Variants in CHD1L observed in about 807,000 individuals in gnomAD.
CHD1L encodes the protein chromodomain helicase DNA binding protein 1 like, also known as ATP-dependent chromatin remodeler CHD1L.
A neutral mutation model predicts 115.9 loss-of-function variants in CHD1L; 118 were observed. The observed-to-expected ratio is 1.02, with a 90% CI of 0.88 to 1.19. CHD1L has a LOEUF of 1.19. CHD1L is among the 50% of genes most tolerant of loss of function. The pLI, the probability that CHD1L is intolerant of heterozygous loss-of-function variation, is 0.00. For missense variants in CHD1L, 1,179 were observed against 1,065.3 expected (o/e 1.11, Z -1.49); for synonymous variants, 411 against 387.1 (o/e 1.06, Z -0.72).
intron 12 of CHD1L, 195 bp downstream of exon 12, chr1:147,272,476 G>A (rs970517595): frequency 6.2e-5 from 29 of 467,094 alleles, no homozygotes; most frequent in Non-Finnish European, 9.1e-5. Context: ...CAGCAAAGAA[G>A]TAAGGCTGAA....
At chr1:147,198,360 C>G in the CHD1L span, among the ~76,000 whole-genome samples, 2 of 152,170 alleles carry the variant, frequency 1.3e-5, no homozygotes, top group South Asian at 2.1e-4. Context: ...GGAGCTATCA[C>G]TATATTACAA....
At chr1:147,261,723 T>C (rs1672000976) in intron 6 of CHD1L, among the ~76,000 whole-genome samples, 1 of 151,292 alleles carries the variant, frequency 6.6e-6, no homozygotes, top group South Asian at 2.1e-4. Context: ...ATAAGGAAAC[T>C]AAGGCTCAGG....
chr1:147,252,774 C>A, intron 2 of CHD1L, 39 bp downstream of exon 2: 1 of 1,448,060 alleles, frequency 6.9e-7, no homozygotes, highest in Non-Finnish European at 9.7e-7. Flanking sequence ...ACCGCCACTG[C>A]GATACTTCCT....
the CHD1L span, among the ~76,000 whole-genome samples, chr1:147,182,888 C>A: frequency 6.6e-6 from 1 of 152,196 alleles, no homozygotes; most frequent in East Asian, 1.9e-4. Flanking sequence ...GTGTTTTAAA[C>A]CACAACTAAA....
chr1:147,288,079 C>T (rs1683959695), intron 19 of CHD1L, among the ~76,000 whole-genome samples: 1 of 151,976 alleles, frequency 6.6e-6, no homozygotes, highest in Non-Finnish European at 1.5e-5. Context: ...TAATCCCAGA[C>T]TTTGGGAGGC....
At position 147,285,323 on chromosome 1, in the gene CHD1L, G is replaced by A. The variant is rs908696431; in HGVS notation, c.1855-1G>A. 1.0e-5 allele frequency: 16 copies of A among 1,606,578 alleles called. No individual in the cohort carries two copies. The highest frequency in any genetic ancestry group is 1.4e-5 in the Non-Finnish European group (16 of 1,177,912). On this transcript the variant is annotated splice_acceptor_variant, in intron 16 of 22. Transcript: ENST00000369258. LOFTEE classifies it high-confidence loss of function. ...GGTGATGGATCTTGTTCTTCCTCTA[G>A]GTTCTCATCCCAGGCCTTGTGGAGG...
chr1:147,239,630 G>A (rs1559699108), upstream of CHD1L, among the ~76,000 whole-genome samples: 2 of 152,052 alleles, frequency 1.3e-5, no homozygotes. Context: ...TCTTCATACA[G>A]TATTCAGAGC....
the CHD1L span, among the ~76,000 whole-genome samples, chr1:147,233,958 G>A: frequency 2.6e-4 from 39 of 152,224 alleles, no homozygotes; most frequent in South Asian, 5.2e-3. Context: ...CAAACACTGC[G>A]GAAGGCGGCA....
the CHD1L span, among the ~76,000 whole-genome samples, chr1:147,233,684 C>T: frequency 2.6e-5 from 4 of 152,234 alleles, no homozygotes; most frequent in African/African-American, 7.2e-5. Context: ...ATTGAGAAAT[C>T]GGATGGTTGC....
At chr1:147,192,352 C>T in the CHD1L span, among the ~76,000 whole-genome samples, 3 of 152,154 alleles carry the variant, frequency 2.0e-5, no homozygotes, top group East Asian at 5.8e-4. Context: ...GATTTTTGTA[C>T]ATTGATTTTG....
the CHD1L span, among the ~76,000 whole-genome samples, chr1:147,182,854 AT>A: frequency 6.6e-6 from 1 of 152,172 alleles, no homozygotes; most frequent in Non-Finnish European, 1.5e-5. Context: ...GAGGAAATGA[AT>A]TATAGACGAG....
At chr1:147,216,076 C>A in the CHD1L span, 1 of 621,984 alleles carries the variant, frequency 1.6e-6, no homozygotes, top group East Asian at 2.8e-5. Context: ...TATTTGTGCC[C>A]TTATGTAGTC....
chr1:147,179,468 C>T, the CHD1L span: 1 of 1,577,540 alleles, frequency 6.3e-7, no homozygotes, highest in South Asian at 1.1e-5. Flanking sequence ...GTTTTCCTAC[C>T]ATATACTTCT....
intron 11 of CHD1L, 108 bp downstream of exon 11, chr1:147,271,113 G>A: frequency 1.0e-6 from 1 of 989,900 alleles, no homozygotes; most frequent in South Asian, 1.5e-5. Flanking sequence ...AGGAAAGCAG[G>A]GTGAGAACAT....
At chr1:147,220,608 C>T in the CHD1L span, among the ~76,000 whole-genome samples, 1 of 152,124 alleles carries the variant, frequency 6.6e-6, no homozygotes, top group Non-Finnish European at 1.5e-5. Context: ...CTATTTCAAG[C>T]CAGGACATCA....
chr1:147,255,993 G>A, intron 4 of CHD1L, 66 bp downstream of exon 4: 2 of 1,098,066 alleles, frequency 1.8e-6, no homozygotes, highest in African/African-American at 1.6e-5. Context: ...AGAGTCTGCT[G>A]AAATTATATT....
chr1:147,202,055 T>C, the CHD1L span, among the ~76,000 whole-genome samples: 1 of 152,182 alleles, frequency 6.6e-6, no homozygotes, highest in Non-Finnish European at 1.5e-5. Context: ...GTTTTATAAA[T>C]GAGGGAATTG....
intron 1 of CHD1L, among the ~76,000 whole-genome samples, chr1:147,243,697 A>G (rs1190493101): frequency 2.6e-5 from 4 of 152,198 alleles, no homozygotes; most frequent in Admixed American, 2.6e-4. Context: ...TGCATCAGTA[A>G]TAATACAGTC....
the CHD1L span, chr1:147,187,026 A>G: frequency 6.2e-7 from 1 of 1,614,130 alleles, no homozygotes; most frequent in South Asian, 1.1e-5. Flanking sequence ...TGATGCGATC[A>G]TCTGTGGTGA....
Sources: gnomAD v4.1 joint callset for allele counts (sites outside exome capture counted in the v4.1 genomes callset) on GRCh38, gnomAD v4.1.1 for gene constraint, MANE v1.5 for transcripts, NCBI Gene and HGNC (gene_info 2026-07-23, HGNC 2026-07-21) for gene names.